The following GRID2 variants were observed in gnomAD, a reference collection of about 807,000 sequenced individuals.
GRID2 encodes the protein glutamate receptor ionotropic, delta-2.
GRID2 carries 33 observed loss-of-function variants against 114.8 expected under a neutral mutation model. The ratio of observed to expected loss-of-function variants is 0.29; its 90% CI spans 0.22 to 0.38. The LOEUF (loss-of-function observed/expected upper bound fraction) is 0.38. GRID2 is among the 10% of genes least tolerant of loss of function. GRID2 has a pLI of 1.00. For missense variants in GRID2, 1,184 were observed against 1,257.7 expected, an observed-to-expected ratio of 0.94 and a Z score of 0.89; for synonymous variants, 505 against 449.9, an observed-to-expected ratio of 1.12 and a Z score of -1.55.
chr4:93,565,507 A>G (rs1439943467), intron 13 of GRID2, among the ~76,000 whole-genome samples: 2 of 152,196 alleles, frequency 1.3e-5, no homozygotes, highest in Non-Finnish European at 2.9e-5. Context: ...AATATAATCA[A>G]TCTTATTTCT....
At chr4:93,340,132 T>G (rs987001135) in intron 8 of GRID2, among the ~76,000 whole-genome samples, 2 of 152,200 alleles carry the variant, frequency 1.3e-5, no homozygotes, top group Non-Finnish European at 1.5e-5. Flanking sequence ...CCTTTTTGAT[T>G]TTTTTGTGCC....
intron 4 of GRID2, among the ~76,000 whole-genome samples, chr4:93,124,941 C>A (rs1734135588): frequency 6.6e-6 from 1 of 152,110 alleles, no homozygotes; most frequent in Non-Finnish European, 1.5e-5. Flanking sequence ...CTTTAATGTT[C>A]TGGCTAATTA....
In GRID2 at chr4:93,231,403, A is replaced by AAG. The variant is rs201420072; in HGVS notation, c.1125+6629_1125+6630insGA. ...CGCACCCCCTGCCAAAAAAAAAAAA[A>AAG]AAAGAAATTTAGAGGCCAGTAGTGA... On this transcript the variant is annotated intron_variant, in intron 7 of 15. Transcript: ENST00000282020. 6.3e-3 allele frequency among the ~76,000 whole-genome samples: 950 copies of AAG among 151,794 alleles called. 8 individuals carry two copies. Among genetic ancestry groups the AAG allele is most frequent in the Admixed American group, 9.3e-3 (142 of 15,198 alleles).
At chr4:92,554,995 C>A (rs1352316875) in intron 1 of GRID2, among the ~76,000 whole-genome samples, 1 of 152,066 alleles carries the variant, frequency 6.6e-6, no homozygotes, top group Non-Finnish European at 1.5e-5. Flanking sequence ...GAATGTATTA[C>A]AGTTGTTTAA....
intron 2 of GRID2, among the ~76,000 whole-genome samples, chr4:92,951,422 C>T (rs1032541357): frequency 3.3e-5 from 5 of 151,896 alleles, no homozygotes; most frequent in South Asian, 2.1e-4. Flanking sequence ...AGTCACACCT[C>T]GCTGCAGCCT....
intron 2 of GRID2, among the ~76,000 whole-genome samples, chr4:92,971,997 A>AG (rs1042187464): frequency 3.4e-4 from 51 of 152,226 alleles, no homozygotes; most frequent in Non-Finnish European, 6.0e-4. Flanking sequence ...TGCAATTAAA[A>AG]GGGGGGTACT....
intron 8 of GRID2, among the ~76,000 whole-genome samples, chr4:93,269,566 C>T (rs1248876364): frequency 6.6e-6 from 1 of 152,122 alleles, no homozygotes; most frequent in Non-Finnish European, 1.5e-5. Context: ...TGGAATGGTC[C>T]TAGAGAAGTG....
At chr4:93,436,842 G>A (rs1721129876) in intron 10 of GRID2, among the ~76,000 whole-genome samples, 1 of 152,054 alleles carries the variant, frequency 6.6e-6, no homozygotes. Flanking sequence ...AGTTTCAAAA[G>A]GAGAAACTAG....
In GRID2 at chr4:93,626,291, T is replaced by C; in HGVS notation, c.2216T>C (p.Phe739Ser). ...IQKVKYGNYA[F>S]VWDAAVLEYV... ...CAGGTAAAATATGGAAATTATGCTT[T>C]CGTATGGGATGCAGCTGTATTGGAA... Residue 739 changes from phenylalanine to serine, a missense_variant, in exon 14 of 16, where the codon TTC becomes TCC. Physicochemically the swap from Phe to Ser is radical, Grantham distance 155. Around this residue, in one of 3 missense-constraint regions of GRID2, gnomAD observed 717 missense variants for 796.9 expected, o/e 0.90. Coordinates refer to ENST00000282020, the MANE Select transcript of GRID2 (RefSeq NM_001510.4). The C allele has an allele frequency of 6.3e-7, 1 of 1,598,220 alleles. No individual in the cohort carries two copies. Among genetic ancestry groups the C allele is most frequent in the Non-Finnish European group, 8.6e-7 (1 of 1,169,232 alleles).
At chr4:93,144,309 A>G (rs1427198063) in intron 4 of GRID2, among the ~76,000 whole-genome samples, 2 of 152,234 alleles carry the variant, frequency 1.3e-5, no homozygotes, top group African/African-American at 4.8e-5. Context: ...TTATGTGCAT[A>G]AGCTCATTAT....
At chr4:92,635,357 C>G (rs1322933734) in intron 2 of GRID2, among the ~76,000 whole-genome samples, 1 of 152,016 alleles carries the variant, frequency 6.6e-6, no homozygotes, top group Admixed American at 6.6e-5. Context: ...ATATTTGTAA[C>G]TTAGATATAT....
At position 92,304,272 on chromosome 4, in the gene GRID2, TG is replaced by T. The variant is rs952537855; in HGVS notation, c.-383del. ...GGCACATCCGGCGTGAGGGGGGTGT[TG>T]GAAGTTGCAGCGGAGCTGGGACCGG... On this transcript the variant is annotated 5_prime_UTR_variant, in exon 1 of 16. Coordinates refer to ENST00000282020, the MANE Select transcript of GRID2 (RefSeq NM_001510.4). 9.4e-5 allele frequency: 22 copies of T among 235,170 alleles called. No individual in the cohort carries two copies. The highest frequency in any genetic ancestry group is 1.7e-4 in the Non-Finnish European group (20 of 121,012). The allele number at this position is 235,170 out of a possible 1,614,324, so 14.6% of individuals were successfully genotyped here.
intron 1 of GRID2, among the ~76,000 whole-genome samples, chr4:92,385,886 GTGTGTGTGTGTGTGTA>G (rs1455448689): frequency 2.7e-5 from 2 of 74,822 alleles, no homozygotes; most frequent in Admixed American, 3.4e-4. Context: ...GTGTGTGTGT[GTGTGTGTGTGTGTGTA>G]TATATATATA....
rs565336619 is a variant in GRID2 at position 92,856,434 on chromosome 4, C to A, written c.245-228561C>A. ...GTATACTGAAAGCCTGGAGTTTATC[C>A]CTCTAATGGCAACTGCACCTTTGGA... On this transcript the variant is annotated intron_variant, in intron 2 of 15. Transcript: ENST00000282020. Among the ~76,000 whole-genome samples the A allele has an allele frequency of 7.9e-5, 12 of 152,164 alleles. No individual in the cohort carries two copies. The South Asian group carries it at 2.5e-3, about 32-fold the overall frequency.
rs1190891208 is a variant in GRID2 at position 93,402,002 on chromosome 4, T to G, written c.1347+6294T>G. 2.0e-5 allele frequency among the ~76,000 whole-genome samples: 3 copies of G among 151,690 alleles called. No homozygotes were observed. In the East Asian group the frequency reaches 5.8e-4, roughly 29 times the overall value. The stretch of plus-strand genomic sequence containing the variant: ...AATTTGTACAAAAACAAAAAAAAAG[T>G]ATTTAGGTTAGATTTAGTTATTTAT... On this transcript the variant is annotated intron_variant, in intron 9 of 15. Coordinates refer to ENST00000282020, the MANE Select transcript of GRID2 (RefSeq NM_001510.4).
Position 92,621,442 on chromosome 4 carries a change from G to GA in GRID2, c.244+31161dup, listed in dbSNP as rs80136800. On this transcript the variant is annotated intron_variant, in intron 2 of 15. Transcript: ENST00000282020. ...ACCAGTGCAAAATATTATCTCTAAG[G>GA]AAAAATGATTATTTTGGTGTGGTTA... 8.5e-3 allele frequency among the ~76,000 whole-genome samples: 1,297 copies of GA among 151,868 alleles called. 18 individuals are homozygous for GA. Among genetic ancestry groups the GA allele is most frequent in the East Asian group, 0.065 (336 of 5,140 alleles).
intron 1 of GRID2, among the ~76,000 whole-genome samples, chr4:92,405,206 C>T (rs12650260): frequency 0.14 from 20,986 of 152,066 alleles, 1,749 homozygotes; most frequent in South Asian, 0.21. Context: ...TTTGCATTTC[C>T]ATCCATGCAA....
At chr4:92,400,635 G>T (rs1221088807) in intron 1 of GRID2, among the ~76,000 whole-genome samples, 2 of 152,042 alleles carry the variant, frequency 1.3e-5, no homozygotes, top group Non-Finnish European at 2.9e-5. Context: ...GAGTGAAATT[G>T]CTGGGTTCTA....
chr4:92,659,651 T>C (rs1732424217), intron 2 of GRID2, among the ~76,000 whole-genome samples: 1 of 151,392 alleles, frequency 6.6e-6, no homozygotes, highest in African/African-American at 2.4e-5. Context: ...AAATAGAAAA[T>C]ATTTTGGGAC....
Sources: gnomAD v4.1 joint callset for allele counts (sites outside exome capture counted in the v4.1 genomes callset) on GRCh38, gnomAD v4.1.1 for gene constraint, gnomAD v4.1.1 regional missense constraint, MANE v1.5 for transcripts, NCBI Gene and HGNC (gene_info 2026-07-23, HGNC 2026-07-21) for gene names.